The following FOXP1 variants were observed in gnomAD, a reference collection of about 807,000 sequenced individuals.
FOXP1 encodes the protein forkhead box protein P1.
FOXP1 carries 15 observed loss-of-function variants against 98.2 expected under a neutral mutation model. The ratio of observed to expected loss-of-function variants is 0.15; its 90% confidence interval spans 0.10 to 0.24. FOXP1 has a LOEUF of 0.24. Among genes scored for constraint, FOXP1 ranks in the 10% least tolerant of loss-of-function variants. The pLI, the probability that FOXP1 is intolerant of heterozygous loss-of-function variation, is 1.00. For synonymous variants in FOXP1, 371 were observed against 314.5 expected (o/e 1.18, Z -1.90); for missense variants, 633 against 848.5 (o/e 0.75, Z 3.15).
chr3:71,357,060 T>C (rs1229606777), intron 4 of FOXP1, among the ~76,000 whole-genome samples: 1 of 152,062 alleles, frequency 6.6e-6, no homozygotes, highest in African/African-American at 2.4e-5. Flanking sequence ...AAAGGTAGGA[T>C]GGAGAGTTCT....
At chr3:70,972,738 C>A (rs2036534536) in intron 17 of FOXP1, 62 bp from the exon 18 acceptor site, 11 of 1,547,350 alleles carry the variant, frequency 7.1e-6, no homozygotes, top group African/African-American at 1.4e-5. Context: ...CCAAAAACAG[C>A]AGTAAATTCA....
At chr3:71,136,476 A>G (rs1157708036) in intron 6 of FOXP1, among the ~76,000 whole-genome samples, 1 of 152,230 alleles carries the variant, frequency 6.6e-6, no homozygotes, top group African/African-American at 2.4e-5. Context: ...ATTCACATTA[A>G]TATACCATGG....
chr3:71,125,765 G>A (rs1055415284), intron 6 of FOXP1, among the ~76,000 whole-genome samples: 3 of 152,196 alleles, frequency 2.0e-5, no homozygotes, highest in Admixed American at 6.5e-5. Flanking sequence ...GAGAATAACA[G>A]AAATTACAAA....
intron 3 of FOXP1, among the ~76,000 whole-genome samples, chr3:71,369,256 G>A (rs2079124386): frequency 6.6e-6 from 1 of 152,070 alleles, no homozygotes; most frequent in African/African-American, 2.4e-5. Context: ...TGGGCGTAGT[G>A]GCGGGTAAGG....
chr3:71,357,574 G>T (rs1449931724), intron 4 of FOXP1, among the ~76,000 whole-genome samples: 1 of 152,204 alleles, frequency 6.6e-6, no homozygotes, highest in Non-Finnish European at 1.5e-5. Flanking sequence ...ACATCAAATT[G>T]TTCAAGTCTA....
At chr3:71,195,477 T>G (rs1015074169) in intron 6 of FOXP1, among the ~76,000 whole-genome samples, 2 of 152,148 alleles carry the variant, frequency 1.3e-5, no homozygotes, top group Admixed American at 6.6e-5. Flanking sequence ...ACAGCGTAAT[T>G]AACTCGTTTT....
At chr3:71,286,237 T>C (rs966763883) in intron 5 of FOXP1, among the ~76,000 whole-genome samples, 9 of 152,278 alleles carry the variant, frequency 5.9e-5, no homozygotes, top group Admixed American at 5.9e-4. Context: ...CACATGACTG[T>C]ACTTCATTGA....
chr3:70,987,238 G>A (rs767596355), intron 14 of FOXP1, among the ~76,000 whole-genome samples: 9 of 152,282 alleles, frequency 5.9e-5, no homozygotes, highest in Non-Finnish European at 1.2e-4. Flanking sequence ...GAATATGACC[G>A]TTAAAGAGAT....
intron 11 of FOXP1, among the ~76,000 whole-genome samples, chr3:71,023,898 T>C (rs2045771195): frequency 6.6e-6 from 1 of 152,226 alleles, no homozygotes; most frequent in Non-Finnish European, 1.5e-5. Context: ...GAGCTGGCCT[T>C]GAAACTTGAT....
intron 3 of FOXP1, among the ~76,000 whole-genome samples, chr3:71,377,124 C>T (rs2079778856): frequency 6.6e-6 from 1 of 152,078 alleles, no homozygotes; most frequent in African/African-American, 2.4e-5. Flanking sequence ...TAAGAGAGTT[C>T]AGCGGGCCAC....
chr3:71,450,340 G>A (rs2086828148), intron 3 of FOXP1, among the ~76,000 whole-genome samples: 1 of 152,146 alleles, frequency 6.6e-6, no homozygotes, highest in Admixed American at 6.5e-5. Flanking sequence ...ATAAGGAATG[G>A]GACGACAATG....
At chr3:71,301,217 G>A (rs2073816570) in intron 4 of FOXP1, among the ~76,000 whole-genome samples, 1 of 152,098 alleles carries the variant, frequency 6.6e-6, no homozygotes, top group Non-Finnish European at 1.5e-5. Flanking sequence ...AAACCTTTTT[G>A]TTTTTACACA....
At chr3:71,101,783 C>T (rs949835109) in intron 7 of FOXP1, among the ~76,000 whole-genome samples, 2 of 151,760 alleles carry the variant, frequency 1.3e-5, no homozygotes, top group African/African-American at 2.4e-5. Context: ...TGGGAAGGAT[C>T]GAGTCATTCA....
chr3:70,993,327 T>C (rs1242354225), intron 13 of FOXP1, among the ~76,000 whole-genome samples: 3 of 152,068 alleles, frequency 2.0e-5, no homozygotes, highest in African/African-American at 2.4e-5. Flanking sequence ...CAAGGCAGAG[T>C]GGCATGGCCC....
chr3:71,285,911 C>T (rs1476473278), intron 5 of FOXP1, among the ~76,000 whole-genome samples: 1 of 152,180 alleles, frequency 6.6e-6, no homozygotes, highest in Admixed American at 6.5e-5. Flanking sequence ...TTGGTCCTCT[C>T]TGAATCTATA....
In FOXP1 at chr3:71,238,825, CG is replaced by C. The variant is rs537126336; in HGVS notation, c.-11-40434del. ...GGCTCCCCCACACAAGGGAGGGACC[CG>C]GGAAGAGGAGGTTGAAGAGGTTTAC... On this transcript the variant is annotated intron_variant, in intron 5 of 20. Coordinates refer to ENST00000649528, the MANE Select transcript of FOXP1 (RefSeq NM_001349338.3). Among the ~76,000 whole-genome samples the C allele has an allele frequency of 3.3e-5, 5 of 152,148 alleles. No homozygotes were observed. In the East Asian group the frequency reaches 5.8e-4, roughly 18 times the overall value.
chr3:71,358,476 C>T (rs1239445791), intron 4 of FOXP1, among the ~76,000 whole-genome samples: 2 of 152,174 alleles, frequency 1.3e-5, no homozygotes, highest in African/African-American at 2.4e-5. Context: ...ACTGTAGAGC[C>T]GATCATCACA....
chr3:71,034,594 C>T (rs1404603647), intron 11 of FOXP1, among the ~76,000 whole-genome samples: 1 of 151,914 alleles, frequency 6.6e-6, no homozygotes, highest in African/African-American at 2.4e-5. Context: ...TAGTATCAAG[C>T]CCTATGTCAA....
chr3:71,529,545 T>G (rs2043661401), intron 2 of FOXP1, among the ~76,000 whole-genome samples: 1 of 152,044 alleles, frequency 6.6e-6, no homozygotes, highest in Admixed American at 6.5e-5. Flanking sequence ...GATTGCAGAG[T>G]GGGAACTTTC....
Sources: allele counts gnomAD v4.1 joint callset (sites outside exome capture counted in the v4.1 genomes callset), GRCh38; gene constraint gnomAD v4.1.1; transcripts MANE v1.5; gene names NCBI Gene and HGNC (gene_info 2026-07-23, HGNC 2026-07-21).